ALK: variants seen among roughly 807,000 people sequenced by gnomAD.
The protein encoded by ALK is ALK receptor tyrosine kinase, also known as ALK tyrosine kinase receptor.
A neutral mutation model predicts 163.1 loss-of-function variants in ALK; 74 were observed. That is an observed-to-expected ratio of 0.45 (90% CI 0.38 to 0.55). The LOEUF is 0.55. Ranked by LOEUF, ALK falls within the 20% of genes least tolerant of loss-of-function variation. The pLI is 0.00. For synonymous variants in ALK, 960 were observed against 843.2 expected (o/e 1.14, Z -2.40); for missense variants, 2,063 against 2,105.3 (o/e 0.98, Z 0.39).
chr2:29,544,542 G>A (rs76591127), intron 3 of ALK, among the ~76,000 whole-genome samples: 5,500 of 152,050 alleles, frequency 0.036, 288 homozygotes, highest in African/African-American at 0.12. Flanking sequence ...TGCAAAGACC[G>A]TTTGCAGAAA....
At chr2:29,584,797 T>C (rs1674832943) in intron 3 of ALK, among the ~76,000 whole-genome samples, 1 of 152,250 alleles carries the variant, frequency 6.6e-6, no homozygotes, top group South Asian at 2.1e-4. Context: ...GCCACATAAA[T>C]GCATTGTTAC....
chr2:29,720,318 A>G (rs1300028277), intron 1 of ALK, among the ~76,000 whole-genome samples: 1 of 152,188 alleles, frequency 6.6e-6, no homozygotes, highest in Non-Finnish European at 1.5e-5. Flanking sequence ...CATGAGCTTA[A>G]AGCCTTTTAT....
intron 4 of ALK, among the ~76,000 whole-genome samples, chr2:29,476,168 C>G (rs754336786): frequency 6.6e-6 from 1 of 152,152 alleles, no homozygotes; most frequent in Non-Finnish European, 1.5e-5. Context: ...TCAGACCCAG[C>G]CTTTAGCTGC....
At chr2:29,443,178 G>A (rs879365613) in intron 4 of ALK, among the ~76,000 whole-genome samples, 1 of 152,186 alleles carries the variant, frequency 6.6e-6, no homozygotes, top group Non-Finnish European at 1.5e-5. Context: ...AGTGTCACAG[G>A]TTACTTAAGG....
chr2:29,341,893 G>A (rs1257518765), intron 5 of ALK, among the ~76,000 whole-genome samples: 1 of 152,176 alleles, frequency 6.6e-6, no homozygotes, highest in Non-Finnish European at 1.5e-5. Context: ...TTAGTTTTTA[G>A]TTCTTTTCTA....
At chr2:29,584,150 C>T (rs1674805202) in intron 3 of ALK, among the ~76,000 whole-genome samples, 1 of 152,060 alleles carries the variant, frequency 6.6e-6, no homozygotes, top group Admixed American at 6.5e-5. Context: ...TGAGGGGGGC[C>T]TCTATGAGAA....
chr2:29,213,682 C>T (rs1385035635), intron 24 of ALK, among the ~76,000 whole-genome samples: 1 of 152,142 alleles, frequency 6.6e-6, no homozygotes, highest in African/African-American at 2.4e-5. Flanking sequence ...AAGTTACCAT[C>T]TCAAAGACAA....
chr2:29,703,977 C>T (rs1414346620), intron 2 of ALK, among the ~76,000 whole-genome samples: 1 of 152,144 alleles, frequency 6.6e-6, no homozygotes, highest in African/African-American at 2.4e-5. Flanking sequence ...GCTGGTCAGA[C>T]GTACTGAACC....
intron 4 of ALK, among the ~76,000 whole-genome samples, chr2:29,527,498 G>A (rs1270473789): frequency 1.3e-5 from 2 of 151,976 alleles, no homozygotes; most frequent in Non-Finnish European, 2.9e-5. Flanking sequence ...CCACGAGCAG[G>A]CAGTTTTGTT....
chr2:29,816,250 C>G lies in ALK; in HGVS notation c.668-98553G>C, dbSNP rs114038015. ...CAGGAATAACAGGGACATTTGCAGA[C>G]AGAGGTTCACCTGGGTGAGGGCTGG... On this transcript the variant is annotated intron_variant, in intron 1 of 28. Coordinates refer to ENST00000389048, the MANE Select transcript of ALK (RefSeq NM_004304.5). Among the ~76,000 whole-genome samples, 1,270 of 152,236 alleles carry G rather than the reference C, an allele frequency of 8.3e-3. 16 individuals carry two copies. The highest frequency in any genetic ancestry group is 0.03 in the African/African-American group (1,229 of 41,540).
At chr2:29,583,203 G>T (rs1674777662) in intron 3 of ALK, among the ~76,000 whole-genome samples, 1 of 151,966 alleles carries the variant, frequency 6.6e-6, no homozygotes, top group Non-Finnish European at 1.5e-5. Flanking sequence ...TTAATCCAGA[G>T]AAACTGTTCC....
At chr2:29,222,463 C>T (rs1669829954) in intron 21 of ALK, 54 bp downstream of exon 21, 6 of 1,613,144 alleles carry the variant, frequency 3.7e-6, no homozygotes, top group Admixed American at 3.3e-5. Context: ...CTGAGAACTG[C>T]AGCCTACAGA....
intron 11 of ALK, among the ~76,000 whole-genome samples, chr2:29,255,615 C>G (rs998254056): frequency 3.3e-5 from 5 of 152,144 alleles, no homozygotes; most frequent in African/African-American, 7.2e-5. Flanking sequence ...GTTCCTCCTT[C>G]TCGGTCCAAG....
chr2:29,430,833 T>A (rs1385796252), intron 4 of ALK, among the ~76,000 whole-genome samples: 1 of 152,188 alleles, frequency 6.6e-6, no homozygotes, highest in Non-Finnish European at 1.5e-5. Context: ...TTGAACAAAT[T>A]TCCTAACACC....
intron 6 of ALK, among the ~76,000 whole-genome samples, chr2:29,326,506 G>C (rs1005357391): frequency 2.0e-5 from 3 of 152,152 alleles, no homozygotes; most frequent in African/African-American, 7.2e-5. Context: ...CAAATAAATA[G>C]AGACACACAC....
chr2:29,565,283 C>A (rs1159415651), intron 3 of ALK, among the ~76,000 whole-genome samples: 1 of 152,178 alleles, frequency 6.6e-6, no homozygotes, highest in Admixed American at 6.5e-5. Context: ...GACATAAAGA[C>A]CCTAACTGGT....
intron 5 of ALK, among the ~76,000 whole-genome samples, chr2:29,345,805 A>C (rs908280293): frequency 3.9e-5 from 6 of 152,286 alleles, no homozygotes; most frequent in Non-Finnish European, 5.9e-5. Context: ...AACATGAGAA[A>C]ATTTTCATAA....
intron 1 of ALK, among the ~76,000 whole-genome samples, chr2:29,785,600 T>C (rs1413552897): frequency 1.3e-5 from 2 of 152,184 alleles, no homozygotes; most frequent in East Asian, 3.8e-4. Flanking sequence ...CATAAGTCCA[T>C]GTGACTTGCA....
chr2:29,236,619 C>A (rs1317456591), intron 13 of ALK, among the ~76,000 whole-genome samples: 4 of 152,136 alleles, frequency 2.6e-5, no homozygotes, highest in Non-Finnish European at 5.9e-5. Flanking sequence ...CTTGCTGGAC[C>A]AGTAGCAGCA....
Sources: gnomAD v4.1 joint callset for allele counts (sites outside exome capture counted in the v4.1 genomes callset) on GRCh38, gnomAD v4.1.1 for gene constraint, MANE v1.5 for transcripts, NCBI Gene and HGNC (gene_info 2026-07-23, HGNC 2026-07-21) for gene names.